LCP1: variants seen among roughly 807,000 people sequenced by gnomAD.
LCP1 encodes the protein plastin-2.
A neutral mutation model predicts 72.0 loss-of-function variants in LCP1; 23 were observed. The observed-to-expected ratio is 0.32, with a 90% CI of 0.23 to 0.45. The LOEUF is 0.45. LCP1 is among the 20% of genes least tolerant of loss of function. The probability of loss-of-function intolerance (pLI) is 1.00; values close to 1 mark genes in which losing one functional copy is unlikely to be tolerated. For synonymous variants in LCP1, 245 were observed against 275.4 expected (o/e 0.89, Z 1.09); for missense variants, 571 against 748.3 (o/e 0.76, Z 2.76).
intron 8 of LCP1, 36 bp from the exon 9 acceptor site, chr13:46,148,483 C>T: frequency 7.8e-7 from 1 of 1,282,674 alleles, no homozygotes; most frequent in South Asian, 1.2e-5. Context: ...TTCAAAATAG[C>T]ACAGCTAATT....
At chr13:46,172,738 C>A (rs1454412666) in intron 1 of LCP1, among the ~76,000 whole-genome samples, 1 of 151,406 alleles carries the variant, frequency 6.6e-6, no homozygotes, top group Admixed American at 6.6e-5. Flanking sequence ...ATACAAACAA[C>A]AAAATAATTC....
chr13:46,164,301 A>G (rs1050812709), intron 1 of LCP1, among the ~76,000 whole-genome samples: 15 of 152,268 alleles, frequency 9.9e-5, no homozygotes, highest in Non-Finnish European at 1.6e-4. Context: ...TAAAAAAAGA[A>G]AATCTAAAAA....
chr13:46,163,287 A>G (rs2045856166), intron 1 of LCP1, among the ~76,000 whole-genome samples: 1 of 152,240 alleles, frequency 6.6e-6, no homozygotes, highest in Non-Finnish European at 1.5e-5. Flanking sequence ...TTTGTTCTGT[A>G]TTAAGAAAAA....
chr13:46,163,395 G>A (rs868390132), intron 1 of LCP1, among the ~76,000 whole-genome samples: 79 of 152,214 alleles, frequency 5.2e-4, no homozygotes, highest in African/African-American at 1.9e-3. Context: ...ATGGATTAAG[G>A]GCGGTGCCAG....
chr13:46,144,611 CTG>C (rs1433074444), intron 10 of LCP1, 91 bp from the exon 11 acceptor site: 2 of 831,068 alleles, frequency 2.4e-6, no homozygotes, highest in East Asian at 4.9e-5. Flanking sequence ...GCAATAAAAA[CTG>C]AAAGTAGAAT....
Position 46,127,420 on chromosome 13 carries a change from G to A in LCP1, c.*171C>T, listed in dbSNP as rs531747110. On this transcript the variant is annotated 3_prime_UTR_variant, in exon 16 of 16. Transcript: ENST00000323076. ...GGTTGGGCCTCCTGCAAAGAATGAA[G>A]CACTTTTTGTTAAATACAGGAGAGG... 52 of 677,354 alleles carry A rather than the reference G, an allele frequency of 7.7e-5. 1 individual carries two copies. The South Asian group carries it at 1.2e-3, about 15-fold the overall frequency. 42.0% of individuals were successfully genotyped at this position (677,354 alleles called of 1,614,324 possible). A position where few individuals can be genotyped will look rare whatever the true frequency, so the allele number is the denominator to read the frequency against.
At chr13:46,174,807 G>C (rs1450986500) in intron 1 of LCP1, among the ~76,000 whole-genome samples, 1 of 147,230 alleles carries the variant, frequency 6.8e-6, no homozygotes, top group Non-Finnish European at 1.5e-5. Flanking sequence ...GATTGTGCCT[G>C]GGCAACAAGA....
rs1409431 is a variant in LCP1 at position 46,127,071 on chromosome 13, G to A, written c.*520C>T. ...GAGATGGGCCCCCCCGGAAGGCATG[G>A]TTCCAAAAGTGTGAGGAGCAAAGTC... is the stretch of plus-strand genomic sequence containing the variant. On this transcript the variant is annotated 3_prime_UTR_variant, in exon 16 of 16. Transcript: ENST00000323076. 0.013 allele frequency: 3,002 copies of A among 231,352 alleles called. 44 individuals are homozygous for A. The highest frequency in any genetic ancestry group is 0.019 in the Non-Finnish European group (2,194 of 116,962). The allele number at this position is 231,352 out of a possible 1,614,324, so 14.3% of individuals were successfully genotyped here.
At chr13:46,167,454 A>G (rs2045882768) in intron 1 of LCP1, among the ~76,000 whole-genome samples, 1 of 152,154 alleles carries the variant, frequency 6.6e-6, no homozygotes, top group Admixed American at 6.5e-5. Context: ...ACACAAGAAC[A>G]AGCCTCCTGC....
intron 12 of LCP1, 58 bp downstream of exon 12, chr13:46,143,232 G>T: frequency 3.6e-6 from 4 of 1,125,256 alleles, no homozygotes; most frequent in Non-Finnish European, 5.4e-6. Flanking sequence ...TATTTAGAGT[G>T]CTCTTGCAGG....
At chr13:46,140,218 C>T (rs1351605178) in intron 13 of LCP1, among the ~76,000 whole-genome samples, 2 of 152,124 alleles carry the variant, frequency 1.3e-5, no homozygotes, top group African/African-American at 2.4e-5. Flanking sequence ...AAAGCTTCAG[C>T]GGCCTTCAGA....
intron 8 of LCP1, among the ~76,000 whole-genome samples, chr13:46,150,276 C>T (rs914113614): frequency 6.6e-6 from 1 of 152,230 alleles, no homozygotes; most frequent in Admixed American, 6.5e-5. Context: ...TCCTTAACCA[C>T]TTTCTATCTT....
intron 6 of LCP1, among the ~76,000 whole-genome samples, chr13:46,154,401 C>T (rs978853339): frequency 5.9e-5 from 9 of 152,198 alleles, no homozygotes; most frequent in African/African-American, 1.7e-4. Flanking sequence ...TTATTATACT[C>T]GTGGCTGTGG....
At chr13:46,162,240 TCTCCCTCTCC>T (rs2045842967) in intron 1 of LCP1, among the ~76,000 whole-genome samples, 1 of 140,864 alleles carries the variant, frequency 7.1e-6, no homozygotes, top group Non-Finnish European at 1.6e-5. Context: ...AACAATGAGT[TCTCCCTCTCC>T]CTCCCCCTCC....
In LCP1 at chr13:46,126,992, G is replaced by A. The variant is rs1285157566; in HGVS notation, c.*599C>T. The A allele has an allele frequency of 8.7e-6, 2 of 231,080 alleles. No homozygotes were observed. Among genetic ancestry groups the A allele is most frequent in the African/African-American group, 4.4e-5 (2 of 45,198 alleles). 14.3% of individuals were successfully genotyped at this position (231,080 alleles called of 1,614,324 possible). A position where few individuals can be genotyped will look rare whatever the true frequency, so the allele number is the denominator to read the frequency against. On this transcript the variant is annotated 3_prime_UTR_variant, in exon 16 of 16. Transcript: ENST00000323076. Reference sequence around the variant, plus strand: ...ACCAGAGACTCCTGAGACTTCAACAGCTTGACTGATTTATCACACACTCCA... The same window carrying A: ...ACCAGAGACTCCTGAGACTTCAACAACTTGACTGATTTATCACACACTCCA...
chr13:46,163,110 C>A (rs909798790), intron 1 of LCP1, among the ~76,000 whole-genome samples: 1 of 152,230 alleles, frequency 6.6e-6, no homozygotes, highest in African/African-American at 2.4e-5. Context: ...AGCCCCTCTG[C>A]CCGGCCGCCA....
Position 46,143,324 on chromosome 13 carries a change from G to C in LCP1, c.1334C>G (p.Pro445Arg). Residue 445 changes from proline to arginine, a missense_variant, in exon 12 of 16, where the codon CCG becomes CGG. Physicochemically the swap from Pro to Arg is moderately radical, Grantham distance 103. Coordinates refer to ENST00000323076, the MANE Select transcript of LCP1 (RefSeq NM_002298.5). ...VPVDWNRVNK[P>R]PYPKLGGNMK... ...ATTGCCTCCCAGTTTGGGGTATGGCGGTTTGTTTACTCTGTTCCAGTCAAC... is the reference window on the plus strand; with the variant it reads ...ATTGCCTCCCAGTTTGGGGTATGGCCGTTTGTTTACTCTGTTCCAGTCAAC... The C allele has an allele frequency of 1.2e-6, 2 of 1,613,718 alleles. No homozygotes were observed. The highest frequency in any genetic ancestry group is 1.7e-6 in the Non-Finnish European group (2 of 1,179,780).
rs7322287 is a variant in LCP1, at chr13:46,140,941, G to A, written c.1502+1351C>T. Among the ~76,000 whole-genome samples the A allele has an allele frequency of 5.1e-3, 777 of 152,192 alleles. 8 individuals are homozygous for A. Among genetic ancestry groups the A allele is most frequent in the African/African-American group, 0.016 (684 of 41,534 alleles). ...AGAGAAAATAAATCACTAAAGCATC[G>A]GTGAGCTTAGGGACAACTTTGAACG... On this transcript the variant is annotated intron_variant, in intron 13 of 15. Coordinates refer to ENST00000323076, the MANE Select transcript of LCP1 (RefSeq NM_002298.5).
intron 1 of LCP1, among the ~76,000 whole-genome samples, chr13:46,162,347 C>T (rs922957676): frequency 1.3e-5 from 2 of 148,610 alleles, no homozygotes; most frequent in African/African-American, 5.0e-5. Context: ...CCTCTGATGC[C>T]GAGCAGAAGC....
Sources: allele counts gnomAD v4.1 joint callset (sites outside exome capture counted in the v4.1 genomes callset), GRCh38; gene constraint gnomAD v4.1.1; transcripts MANE v1.5; gene names NCBI Gene and HGNC (gene_info 2026-07-23, HGNC 2026-07-21).